The following ZSWIM4 variants were observed in gnomAD, a reference collection of about 807,000 sequenced individuals.
ZSWIM4 encodes the protein zinc finger SWIM domain-containing protein 4.
In ZSWIM4, 62 loss-of-function variants were observed where a neutral mutation model predicts 102.5. The observed-to-expected ratio is 0.60, with a 90% CI of 0.49 to 0.75. The LOEUF is 0.75. Ranked by LOEUF, ZSWIM4 falls within the 30% of genes least tolerant of loss-of-function variation. The probability of loss-of-function intolerance (pLI) is 0.00; values close to 1 mark genes in which losing one functional copy is unlikely to be tolerated. For synonymous variants in ZSWIM4, 652 were observed against 674.5 expected (o/e 0.97, Z 0.52); for missense variants, 1,280 against 1,529.6 (o/e 0.84, Z 2.72).
chr19:13,813,949 A>G (rs1392956946), intron 6 of ZSWIM4, among the ~76,000 whole-genome samples: 1 of 151,560 alleles, frequency 6.6e-6, no homozygotes. Flanking sequence ...AGAAAGAAAG[A>G]AAAGAAAAAT....
chr19:13,827,117 C>T (rs887496502), intron 12 of ZSWIM4, among the ~76,000 whole-genome samples: 1 of 151,728 alleles, frequency 6.6e-6, no homozygotes, highest in African/African-American at 2.4e-5. Flanking sequence ...AGACCCCCAT[C>T]TCTACAAAAA....
intron 13 of ZSWIM4, among the ~76,000 whole-genome samples, chr19:13,829,522 CAG>C (rs1279824815): frequency 2.0e-5 from 3 of 151,652 alleles, no homozygotes; most frequent in Non-Finnish European, 2.9e-5. Flanking sequence ...ACCTGGGAGA[CAG>C]AGGTTGCAGT....
intron 13 of ZSWIM4, among the ~76,000 whole-genome samples, chr19:13,829,323 G>C (rs1975694400): frequency 6.6e-6 from 1 of 152,046 alleles, no homozygotes; most frequent in Admixed American, 6.6e-5. Flanking sequence ...AGGCGCAGTG[G>C]CTCACACCTG....
At chr19:13,798,900 C>T (rs992647701) in intron 1 of ZSWIM4, among the ~76,000 whole-genome samples, 13 of 152,100 alleles carry the variant, frequency 8.5e-5, no homozygotes, top group Non-Finnish European at 1.0e-4. Context: ...GTGGTTCTCG[C>T]GCCTCAGCCT....
chr19:13,807,694 C>T (rs1387990514), intron 3 of ZSWIM4, among the ~76,000 whole-genome samples: 3 of 142,644 alleles, frequency 2.1e-5, no homozygotes, highest in African/African-American at 5.3e-5. Flanking sequence ...GAGCTGGTGG[C>T]GTTTTGGACA....
chr19:13,796,605 C>T (rs1974618842), intron 1 of ZSWIM4: 1 of 152,498 alleles, frequency 6.6e-6, no homozygotes, highest in South Asian at 2.1e-4. Context: ...ATCCCCCTGA[C>T]CTATCCTATC....
chr19:13,829,172 C>A (rs1165404795), intron 13 of ZSWIM4, among the ~76,000 whole-genome samples: 3 of 149,818 alleles, frequency 2.0e-5, no homozygotes, highest in African/African-American at 7.5e-5. Context: ...GTAGTCCTAT[C>A]CGGAGGGCTG....
chr19:13,812,623 CTT>C (rs545020943), intron 5 of ZSWIM4, among the ~76,000 whole-genome samples: 25 of 130,338 alleles, frequency 1.9e-4, no homozygotes, highest in Admixed American at 3.9e-4. Flanking sequence ...TCATGCCTGG[CTT>C]TTTTTTTTTT....
intron 10 of ZSWIM4, 52 bp from the exon 11 acceptor site, chr19:13,823,294 G>A (rs1226824109): frequency 3.8e-6 from 6 of 1,568,062 alleles, no homozygotes; most frequent in Non-Finnish European, 5.2e-6. Flanking sequence ...CTCCTAGAGA[G>A]AATGGGGACA....
chr19:13,823,145 C>A (rs1389438440), intron 10 of ZSWIM4, among the ~76,000 whole-genome samples: 9 of 152,260 alleles, frequency 5.9e-5, no homozygotes, highest in East Asian at 5.8e-4. Context: ...CAGAGTGAGA[C>A]CCTGTCTCTA....
chr19:13,823,203 T>G (rs902540149), intron 10 of ZSWIM4, 143 bp from the exon 11 acceptor site: 2 of 746,908 alleles, frequency 2.7e-6, no homozygotes, highest in South Asian at 4.0e-5. Context: ...GTGAACATCT[T>G]GCACACACAT....
chr19:13,814,029 C>T (rs1238006037), intron 6 of ZSWIM4, among the ~76,000 whole-genome samples: 1 of 151,500 alleles, frequency 6.6e-6, no homozygotes, highest in Non-Finnish European at 1.5e-5. Context: ...ATGTGATGGG[C>T]CTGTACTAGC....
At position 13,830,949 on chromosome 19, in the gene ZSWIM4, C is replaced by T; in HGVS notation, c.3220C>T (p.Pro1074Ser). The change falls in exon 14 of 14, where the codon CCC (proline) becomes TCC (serine). Residue 1074 changes from proline (P) to serine (S), a missense_variant. Transcript: ENST00000590508. ...GGCCCGGGAGACCTTCCTGCTGGCG[C>T]CCGACGGGCACCTCCAGTTCTCACA... Reference protein sequence around the residue: ...GKARETFLLAPDGHLQFSQFL... With the variant: ...GKARETFLLASDGHLQFSQFL... The T allele has an allele frequency of 6.2e-7, 1 of 1,614,174 alleles. No homozygotes were observed. Among genetic ancestry groups the T allele is most frequent in the Non-Finnish European group, 8.5e-7 (1 of 1,180,036 alleles).
Position 13,831,708 on chromosome 19 carries a change from A to C in ZSWIM4, c.*658A>C, listed in dbSNP as rs1975772258. 1 of 152,590 alleles carries C rather than the reference A, an allele frequency of 6.6e-6. No homozygotes were observed. Among genetic ancestry groups the C allele is most frequent in the Non-Finnish European group, 1.5e-5 (1 of 68,068 alleles). The allele number at this position is 152,590 out of a possible 1,614,324, so 9.5% of individuals were successfully genotyped here. On this transcript the variant is annotated 3_prime_UTR_variant, in exon 14 of 14. Transcript: ENST00000590508. Reference sequence around the variant, plus strand: ...TTCTCACCTGCTAGTCACTGGACGTACAACTCAGGAACTGAGCGAGGCTCA... The same window carrying C: ...TTCTCACCTGCTAGTCACTGGACGTCCAACTCAGGAACTGAGCGAGGCTCA...
At position 13,815,002 on chromosome 19, in the gene ZSWIM4, A is replaced by T. The variant is rs931777016; in HGVS notation, c.1531+137A>T. 541 of 291,310 alleles carry T rather than the reference A, an allele frequency of 1.9e-3. No homozygotes were observed. The African/African-American group carries it at 0.024, about 13-fold the overall frequency. The allele number at this position is 291,310 out of a possible 1,614,324, so 18.0% of individuals were successfully genotyped here. Reference sequence around the variant, plus strand: ...TGAGACAATGTCTCTACAAAAATTAAAAAAAAAAAATTAGCTGGATGTGGT... The same window carrying T: ...TGAGACAATGTCTCTACAAAAATTATAAAAAAAAAATTAGCTGGATGTGGT... On this transcript the variant is annotated intron_variant, in intron 7 of 13. Coordinates refer to ENST00000590508, the MANE Select transcript of ZSWIM4 (RefSeq NM_001367834.3).
rs140778038 is a variant in ZSWIM4, at chr19:13,809,708, T to C, written c.1012+488T>C. ...CTTGCCAAGTCTGGTCTTGAACTCCTGGACTCAAGCAGTCCTCTCACCCAG... is the reference window on the plus strand; with the variant it reads ...CTTGCCAAGTCTGGTCTTGAACTCCCGGACTCAAGCAGTCCTCTCACCCAG... On this transcript the variant is annotated intron_variant, in intron 5 of 13. Transcript: ENST00000590508. The surrounding 1 kb of genome is among the most constrained non-coding windows in gnomAD (Gnocchi z 4.2). Among the ~76,000 whole-genome samples, 1 of 152,324 alleles carries C rather than the reference T, an allele frequency of 6.6e-6. No homozygotes were observed. Among genetic ancestry groups the C allele is most frequent in the East Asian group, 1.9e-4 (1 of 5,186 alleles).
intron 13 of ZSWIM4, among the ~76,000 whole-genome samples, chr19:13,829,242 C>CTG (rs1975691952): frequency 6.6e-6 from 1 of 152,110 alleles, no homozygotes; most frequent in South Asian, 2.1e-4. Flanking sequence ...GATTGTGCCA[C>CTG]TGCACTCCAG....
At chr19:13,806,545 G>C (rs538830378) in intron 3 of ZSWIM4, among the ~76,000 whole-genome samples, 1 of 151,962 alleles carries the variant, frequency 6.6e-6, no homozygotes, top group Non-Finnish European at 1.5e-5. Context: ...GCACACACAC[G>C]CCTGTAGATA....
chr19:13,805,129 C>T lies in ZSWIM4; in HGVS notation c.693C>T (p.Ser231=), dbSNP rs776745308. The T allele has an allele frequency of 2.3e-5, 36 of 1,597,878 alleles. No individual in the cohort carries two copies. Among genetic ancestry groups the T allele is most frequent in the East Asian group, 4.5e-5 (2 of 44,842 alleles). Residue 231 remains serine (S), a synonymous_variant, in exon 3 of 14, where the codon TCC becomes TCT. Coordinates refer to ENST00000590508, the MANE Select transcript of ZSWIM4 (RefSeq NM_001367834.3). The stretch of plus-strand genomic sequence containing the variant: ...CTGATGAGATCCTCCTGCTGGGCTC[C>T]GAGATCAACTTGGTGAATGGTAAGG... ...RLADEILLLG[S]EINLVNGAPD... is the part of the protein sequence containing the mutation.
Sources: allele counts gnomAD v4.1 joint callset (sites outside exome capture counted in the v4.1 genomes callset), GRCh38; gene constraint gnomAD v4.1.1; non-coding constraint Gnocchi (gnomAD v3.1); transcripts MANE v1.5; gene names NCBI Gene and HGNC (gene_info 2026-07-23, HGNC 2026-07-21).